ASIC2: variants seen among roughly 807,000 people sequenced by gnomAD.
ASIC2 encodes the protein acid sensing ion channel subunit 2.
Under a neutral mutation model 57.3 loss-of-function variants are expected in ASIC2, and 25 were observed. The observed-to-expected ratio is 0.44, with a 90% CI of 0.32 to 0.61. ASIC2 has a LOEUF of 0.61. ASIC2 is among the 20% of genes least tolerant of loss of function. The pLI is 0.06. For missense variants in ASIC2, 641 were observed against 738.1 expected (o/e 0.87, Z 1.52); for synonymous variants, 319 against 307.5 (o/e 1.04, Z -0.39).
intron 1 of ASIC2, among the ~76,000 whole-genome samples, chr17:33,243,569 C>T (rs1367205623): frequency 6.6e-6 from 1 of 152,062 alleles, no homozygotes; most frequent in Non-Finnish European, 1.5e-5. Context: ...AAAATCCAAG[C>T]CTGTTTCGCC....
chr17:33,328,271 T>A (rs1006540988), intron 1 of ASIC2, among the ~76,000 whole-genome samples: 6 of 152,026 alleles, frequency 3.9e-5, no homozygotes, highest in African/African-American at 1.4e-4. Flanking sequence ...CACAGTGAGT[T>A]AGGAAAGTGA....
At chr17:34,086,467 T>C (rs1910115986) in intron 1 of ASIC2, among the ~76,000 whole-genome samples, 1 of 152,062 alleles carries the variant, frequency 6.6e-6, no homozygotes, top group African/African-American at 2.4e-5. Flanking sequence ...AACTATGTGG[T>C]CAATTTTGGA....
chr17:33,221,941 C>A (rs895073032), intron 1 of ASIC2, among the ~76,000 whole-genome samples: 15 of 152,148 alleles, frequency 9.9e-5, no homozygotes, highest in African/African-American at 3.6e-4. Context: ...TTGTTACTGC[C>A]TTCTGTGGTC....
At chr17:34,012,990 T>C (rs1032646471) in intron 1 of ASIC2, among the ~76,000 whole-genome samples, 2 of 152,126 alleles carry the variant, frequency 1.3e-5, no homozygotes, top group African/African-American at 4.8e-5. Context: ...GCAGCCCCCC[T>C]GCTTTGAGTC....
chr17:33,297,054 G>A (rs1905746732), upstream of ASIC2, among the ~76,000 whole-genome samples: 1 of 151,336 alleles, frequency 6.6e-6, no homozygotes, highest in Admixed American at 6.5e-5. Context: ...TATCCATGGG[G>A]ACCCACACAA....
chr17:34,010,984 A>G lies in ASIC2; in HGVS notation c.555+144994T>C, dbSNP rs201869169. On this transcript the variant is annotated intron_variant, in intron 1 of 9. Transcript: ENST00000359872. Reference sequence around the variant, plus strand: ...CAGACACATGCACACGCACACACACATACCTCTAGTCAGACACACACACAC... The same window carrying G: ...CAGACACATGCACACGCACACACACGTACCTCTAGTCAGACACACACACAC... Among the ~76,000 whole-genome samples the G allele has an allele frequency of 0.01, 13 of 1,280 alleles. No individual in the cohort carries two copies. In the East Asian group the frequency reaches 0.14, roughly 13 times the overall value. The allele number at this position is 1,280 out of a possible 152,430, so 0.8% of individuals were successfully genotyped here.
chr17:33,649,182 G>A (rs572289138), intron 1 of ASIC2, among the ~76,000 whole-genome samples: 5 of 152,242 alleles, frequency 3.3e-5, no homozygotes, highest in Admixed American at 1.3e-4. Flanking sequence ...CAACAAAACC[G>A]TCTACAACTA....
chr17:33,546,143 G>GTAAATATATATACACATATA (rs1915569829), intron 1 of ASIC2, among the ~76,000 whole-genome samples: 1 of 149,520 alleles, frequency 6.7e-6, no homozygotes, highest in African/African-American at 2.5e-5. Flanking sequence ...ATACACATAT[G>GTAAATATATATACACATATA]TATATGTAAA....
At chr17:33,286,543 C>G (rs1042011669) in intron 1 of ASIC2, among the ~76,000 whole-genome samples, 1 of 152,220 alleles carries the variant, frequency 6.6e-6, no homozygotes, top group Non-Finnish European at 1.5e-5. Context: ...TCCAGCCACC[C>G]TGAACTAGGC....
chr17:33,731,799 T>C (rs1452456284), intron 1 of ASIC2, among the ~76,000 whole-genome samples: 1 of 152,174 alleles, frequency 6.6e-6, no homozygotes, highest in Non-Finnish European at 1.5e-5. Context: ...TCCTCTTCAA[T>C]GTGCCCACAT....
intron 1 of ASIC2, among the ~76,000 whole-genome samples, chr17:33,385,291 C>T (rs1203201993): frequency 6.6e-6 from 1 of 152,162 alleles, no homozygotes; most frequent in Admixed American, 6.5e-5. Context: ...CCTCCCTCCC[C>T]AGCCCCTGAG....
In ASIC2 at chr17:34,087,655, T is replaced by A. The variant is rs879656993; in HGVS notation, c.555+68323A>T. Among the ~76,000 whole-genome samples the A allele has an allele frequency of 7.6e-3, 1,152 of 151,992 alleles. 4 individuals carry two copies. Among genetic ancestry groups the A allele is most frequent in the Non-Finnish European group, 0.012 (785 of 67,904 alleles). On this transcript the variant is annotated intron_variant, in intron 1 of 9. Transcript: ENST00000359872. ...AGTGTTTTCCAACTTGGTTCCATTC[T>A]CCCCGTCACTTTCAGGTACACCAAT...
chr17:33,069,610 ATTAT>A (rs1295710203), intron 3 of ASIC2, among the ~76,000 whole-genome samples: 3 of 152,032 alleles, frequency 2.0e-5, no homozygotes, highest in Non-Finnish European at 4.4e-5. Flanking sequence ...CCCTGGTGAT[ATTAT>A]TTGTTCTGAA....
rs532273067 is a variant in ASIC2 at position 34,052,893 on chromosome 17, A to G, written c.555+103085T>C. On this transcript the variant is annotated intron_variant, in intron 1 of 9. Coordinates refer to the ASIC2 transcript ENST00000359872. ...CTCGCCCTCCCAAAGTGCTGGGGTT[A>G]CAAGTGTGAGCCACCATGCCCAGCC... Among the ~76,000 whole-genome samples, 45 of 152,136 alleles carry G rather than the reference A, an allele frequency of 3.0e-4. 1 individual carries two copies. The South Asian group carries it at 6.9e-3, about 23-fold the overall frequency.
intron 1 of ASIC2, among the ~76,000 whole-genome samples, chr17:33,857,613 G>T (rs1567736564): frequency 6.6e-6 from 1 of 152,186 alleles, no homozygotes; most frequent in African/African-American, 2.4e-5. Flanking sequence ...CTCTTATTTT[G>T]CAGATGCAAA....
intron 1 of ASIC2, among the ~76,000 whole-genome samples, chr17:33,211,957 C>T (rs1432593973): frequency 1.3e-5 from 2 of 152,070 alleles, no homozygotes; most frequent in African/African-American, 4.8e-5. Context: ...TATCGATCCT[C>T]ACTATGGCCC....
intron 1 of ASIC2, among the ~76,000 whole-genome samples, chr17:33,331,216 C>T (rs1597686189): frequency 6.6e-6 from 1 of 152,190 alleles, no homozygotes; most frequent in Admixed American, 6.5e-5. Flanking sequence ...CACAACCACC[C>T]ACCCTGCCAA....
Position 33,418,024 on chromosome 17 carries a change from ATGTATGTGTGTGTGTGTGTG to A in ASIC2, c.556-305977_556-305958del, listed in dbSNP as rs1165302557. Among the ~76,000 whole-genome samples the A allele has an allele frequency of 4.7e-3, 517 of 110,356 alleles. 2 individuals carry two copies. Among genetic ancestry groups the A allele is most frequent in the Non-Finnish European group, 8.6e-3 (400 of 46,460 alleles). 72.4% of individuals were successfully genotyped at this position (110,356 alleles called of 152,430 possible). Reference sequence around the variant, plus strand: ...GGCCCCACTCTGGCTCTCAGCATGTATGTATGTGTGTGTGTGTGTGTGTGTGTGTGTGTGTGTGTGTGTGT... The same window carrying A: ...GGCCCCACTCTGGCTCTCAGCATGTATGTGTGTGTGTGTGTGTGTGTGTGT... On this transcript the variant is annotated intron_variant, in intron 1 of 9. Transcript: ENST00000359872.
intron 1 of ASIC2, among the ~76,000 whole-genome samples, chr17:33,619,696 G>T (rs764816694): frequency 6.6e-6 from 1 of 152,206 alleles, no homozygotes; most frequent in Non-Finnish European, 1.5e-5. Flanking sequence ...GTCTCTGATT[G>T]TGTCACAGCA....
Sources: allele counts gnomAD v4.1 joint callset (sites outside exome capture counted in the v4.1 genomes callset), GRCh38; gene constraint gnomAD v4.1.1; transcripts MANE v1.5; gene names NCBI Gene and HGNC (gene_info 2026-07-23, HGNC 2026-07-21).